EFNA5: variants seen among roughly 807,000 people sequenced by gnomAD.
EFNA5 encodes ephrin A5, also known as ephrin-A5.
A neutral mutation model predicts 22.9 loss-of-function variants in EFNA5; 5 were observed. The observed-to-expected ratio is 0.22, with a 90% CI of 0.11 to 0.46. The LOEUF is 0.46. EFNA5 is among the 20% of genes least tolerant of loss of function. The pLI, the probability that EFNA5 is intolerant of heterozygous loss-of-function variation, is 0.99. For synonymous variants in EFNA5, 113 were observed against 112.2 expected (o/e 1.01, Z -0.04); for missense variants, 237 against 293.3 (o/e 0.81, Z 1.40).
At chr5:107,410,591 G>A (rs1013652574) in intron 2 of EFNA5, among the ~76,000 whole-genome samples, 2 of 152,066 alleles carry the variant, frequency 1.3e-5, no homozygotes, top group Admixed American at 6.5e-5. Flanking sequence ...AATTTGGTGA[G>A]CACTGTATAT....
rs550142354 is a variant in EFNA5 at position 107,434,246 on chromosome 5, C to T, written c.126-6737G>A. Among the ~76,000 whole-genome samples the T allele has an allele frequency of 4.6e-5, 7 of 152,312 alleles. No homozygotes were observed. In the South Asian group the frequency reaches 1.2e-3, roughly 27 times the overall value. On this transcript the variant is annotated intron_variant, in intron 1 of 4. Coordinates refer to ENST00000333274, the MANE Select transcript of EFNA5 (RefSeq NM_001962.3). ...GTACTCTGACCCTGTCTCTTGGTTC[C>T]TCTTTACTAAGGTAAGTAGATACCA...
chr5:107,646,106 T>C (rs1022575190), intron 1 of EFNA5, among the ~76,000 whole-genome samples: 1 of 152,194 alleles, frequency 6.6e-6, no homozygotes, highest in African/African-American at 2.4e-5. Context: ...GAGCAGAATC[T>C]AACAGACACT....
chr5:107,484,889 A>G (rs1489876306), intron 1 of EFNA5, among the ~76,000 whole-genome samples: 3 of 152,100 alleles, frequency 2.0e-5, no homozygotes, highest in Non-Finnish European at 4.4e-5. Context: ...AAAGAAACAC[A>G]TCTTAAAAAT....
chr5:107,665,279 C>T (rs527714050), intron 1 of EFNA5, among the ~76,000 whole-genome samples: 1 of 152,278 alleles, frequency 6.6e-6, no homozygotes, highest in African/African-American at 2.4e-5. Context: ...TGTCCTTATC[C>T]AACAGGAAAC....
chr5:107,447,479 A>G (rs1164363932), intron 1 of EFNA5, among the ~76,000 whole-genome samples: 1 of 152,230 alleles, frequency 6.6e-6, no homozygotes, highest in East Asian at 1.9e-4. Flanking sequence ...TTAAAGGTGG[A>G]GAAACAGAAA....
intron 2 of EFNA5, among the ~76,000 whole-genome samples, chr5:107,395,034 C>CTTTTTTTTTTTT (rs58619326): frequency 0.38 from 32,694 of 85,070 alleles, 10,623 homozygotes; most frequent in Non-Finnish European, 0.45. Flanking sequence ...ATTTCTAGTT[C>CTTTTTTTTTTTT]TTTTTTTTTT....
intron 1 of EFNA5, among the ~76,000 whole-genome samples, chr5:107,611,891 G>A (rs903582713): frequency 6.6e-6 from 1 of 152,200 alleles, no homozygotes; most frequent in Non-Finnish European, 1.5e-5. Context: ...AAACGAATAT[G>A]TAAGGAGTAG....
At position 107,591,931 on chromosome 5, in the gene EFNA5, ATAATATATATATTAT is replaced by A. The variant is rs1475207007; in HGVS notation, c.125+78543_125+78557del. 2.6e-3 allele frequency among the ~76,000 whole-genome samples: 51 copies of A among 19,540 alleles called. 11 individuals carry two copies. The highest frequency in any genetic ancestry group is 0.016 in the African/African-American group (51 of 3,130). 12.8% of individuals were successfully genotyped at this position (19,540 alleles called of 152,430 possible). A position where few individuals can be genotyped will look rare whatever the true frequency, so the allele number is the denominator to read the frequency against. On this transcript the variant is annotated intron_variant, in intron 1 of 4. Transcript: ENST00000333274. ...AATATAAAAAATATATATATAATAT[ATAATATATATATTAT>A]ATATAATATATAATATATATAATAT...
intron 1 of EFNA5, among the ~76,000 whole-genome samples, chr5:107,517,422 A>T (rs951214781): frequency 6.6e-6 from 1 of 152,216 alleles, no homozygotes. Flanking sequence ...TTCAGGACAA[A>T]TCACTCGGTG....
chr5:107,462,098 A>G (rs1749849654), intron 1 of EFNA5, among the ~76,000 whole-genome samples: 1 of 152,110 alleles, frequency 6.6e-6, no homozygotes, highest in Non-Finnish European at 1.5e-5. Flanking sequence ...AATCCAGAAA[A>G]TGCCAGGATG....
At chr5:107,634,948 T>A (rs1750341065) in intron 1 of EFNA5, among the ~76,000 whole-genome samples, 2 of 152,214 alleles carry the variant, frequency 1.3e-5, no homozygotes, top group South Asian at 4.1e-4. Flanking sequence ...AAGAAACGCA[T>A]TTAACTTACG....
intron 1 of EFNA5, among the ~76,000 whole-genome samples, chr5:107,578,126 C>A (rs1748966125): frequency 6.6e-6 from 1 of 152,168 alleles, no homozygotes; most frequent in South Asian, 2.1e-4. Flanking sequence ...CTGACTGGTT[C>A]TTTGCCAGCC....
chr5:107,578,562 A>G (rs1192345697), intron 1 of EFNA5, among the ~76,000 whole-genome samples: 1 of 151,802 alleles, frequency 6.6e-6, no homozygotes, highest in Non-Finnish European at 1.5e-5. Flanking sequence ...TAAAAATTGT[A>G]ATATATGTAA....
chr5:107,661,390 T>C (rs574223825), intron 1 of EFNA5, among the ~76,000 whole-genome samples: 9 of 152,286 alleles, frequency 5.9e-5, no homozygotes, highest in African/African-American at 2.2e-4. Context: ...GACTGATACT[T>C]TGGAGGTCTG....
Position 107,670,737 on chromosome 5 carries a change from A to C in EFNA5, c.-124T>G. 2 of 1,386,678 alleles carry C rather than the reference A, an allele frequency of 1.4e-6. No homozygotes were observed. The highest frequency in any genetic ancestry group is 2.7e-5 in the South Asian group (2 of 74,986). The allele number at this position is 1,386,678 out of a possible 1,614,324, so 85.9% of individuals were successfully genotyped here. ...CGCCAAATAAATATGAATAAATAAA[A>C]ATGAAAGTGGGCGAGAAAGGAAAGA... On this transcript the variant is annotated 5_prime_UTR_variant, in exon 1 of 5. In the 5' UTR this introduces an upstream ATG that the reference lacks. Coordinates refer to ENST00000333274, the MANE Select transcript of EFNA5 (RefSeq NM_001962.3).
intron 1 of EFNA5, among the ~76,000 whole-genome samples, chr5:107,430,352 TTATTA>T (rs1748916388): frequency 6.6e-6 from 1 of 152,094 alleles, no homozygotes; most frequent in East Asian, 1.9e-4. Flanking sequence ...GCACTTTATA[TTATTA>T]TATTATTATT....
chr5:107,416,585 AT>A (rs1561376733), intron 2 of EFNA5, among the ~76,000 whole-genome samples: 1 of 152,198 alleles, frequency 6.6e-6, no homozygotes, highest in African/African-American at 2.4e-5. Flanking sequence ...TATATGCTAA[AT>A]CACTCTAATT....
chr5:107,486,071 G>T (rs532991891), intron 1 of EFNA5, among the ~76,000 whole-genome samples: 4 of 152,132 alleles, frequency 2.6e-5, no homozygotes, highest in African/African-American at 9.7e-5. Context: ...TGAGTGTCTC[G>T]CAGGTGAAAT....
chr5:107,650,354 T>C (rs1169731326), intron 1 of EFNA5, among the ~76,000 whole-genome samples: 2 of 152,154 alleles, frequency 1.3e-5, no homozygotes, highest in Non-Finnish European at 2.9e-5. Context: ...ATCCACTCAC[T>C]GCCTATCAGG....
Sources: gnomAD v4.1 joint callset for allele counts (sites outside exome capture counted in the v4.1 genomes callset) on GRCh38, gnomAD v4.1.1 for gene constraint, MANE v1.5 for transcripts, NCBI Gene and HGNC (gene_info 2026-07-23, HGNC 2026-07-21) for gene names.